PALM2AKAP2: variants seen among roughly 807,000 people sequenced by gnomAD.
The protein encoded by PALM2AKAP2 is PALM2-AKAP2 fusion protein.
A neutral mutation model predicts 71.5 loss-of-function variants in PALM2AKAP2; 37 were observed. That is an observed-to-expected ratio of 0.52 (90% CI 0.40 to 0.68). The LOEUF (loss-of-function observed/expected upper bound fraction) is 0.68. Among genes scored for constraint, PALM2AKAP2 ranks in the 30% least tolerant of loss-of-function variants. The pLI is 0.00. For missense variants in PALM2AKAP2, 1,224 were observed against 1,191.8 expected, an observed-to-expected ratio of 1.03 and a Z score of -0.40; for synonymous variants, 468 against 478.8, an observed-to-expected ratio of 0.98 and a Z score of 0.29.
intron 2 of PALM2AKAP2, among the ~76,000 whole-genome samples, chr9:109,875,277 C>A (rs1232083349): frequency 6.6e-6 from 1 of 152,202 alleles, no homozygotes; most frequent in African/African-American, 2.4e-5. Flanking sequence ...TCAGAGAGAC[C>A]TTTCCCACTT....
At chr9:109,833,287 G>A (rs1049291569) in intron 1 of PALM2AKAP2, among the ~76,000 whole-genome samples, 3 of 152,138 alleles carry the variant, frequency 2.0e-5, no homozygotes, top group East Asian at 3.9e-4. Context: ...CCTGGGAGGC[G>A]GAAGTTGCAG....
chr9:109,694,786 C>T (rs888193823), intron 1 of PALM2AKAP2, among the ~76,000 whole-genome samples: 6 of 151,956 alleles, frequency 3.9e-5, no homozygotes, highest in African/African-American at 1.2e-4. Context: ...TTTATAACTG[C>T]TGTAATTCAA....
intron 1 of PALM2AKAP2, among the ~76,000 whole-genome samples, chr9:109,761,799 G>C (rs1829057637): frequency 1.3e-5 from 2 of 152,134 alleles, no homozygotes; most frequent in Non-Finnish European, 2.9e-5. Flanking sequence ...TTGGTTCCAA[G>C]TCTTTGCTAT....
chr9:109,689,838 A>G (rs957461477), intron 1 of PALM2AKAP2, among the ~76,000 whole-genome samples: 2 of 152,154 alleles, frequency 1.3e-5, no homozygotes, highest in African/African-American at 2.4e-5. Flanking sequence ...GATCTGGCCA[A>G]CTTCCGAGAG....
At chr9:110,123,656 A>G (rs1276536812) in intron 1 of PALM2AKAP2, among the ~76,000 whole-genome samples, 1 of 152,212 alleles carries the variant, frequency 6.6e-6, no homozygotes, top group Non-Finnish European at 1.5e-5. Flanking sequence ...ACACCAGGTC[A>G]TTTGCAAACC....
At chr9:110,083,347 C>CA (rs1414505593) in intron 1 of PALM2AKAP2, among the ~76,000 whole-genome samples, 1 of 151,942 alleles carries the variant, frequency 6.6e-6, no homozygotes, top group Admixed American at 6.6e-5. Context: ...AGTCTATAAA[C>CA]ACAAGCATAA....
intron 2 of PALM2AKAP2, among the ~76,000 whole-genome samples, chr9:110,152,152 G>A (rs905140349): frequency 2.6e-5 from 4 of 152,158 alleles, no homozygotes; most frequent in East Asian, 1.9e-4. Context: ...CAGGAGAATC[G>A]CTTGAACCTG....
chr9:109,982,996 T>A lies in PALM2AKAP2; in HGVS notation c.497-32958T>A, dbSNP rs527447846. The stretch of plus-strand genomic sequence containing the variant: ...GTCTTTGAGCTACATGAAGATTAGA[T>A]CCCATTAGTCTTGGAGAGGGAGCAA... On this transcript the variant is annotated intron_variant, in intron 6 of 9. Coordinates refer to the PALM2AKAP2 transcript ENST00000302798. Among the ~76,000 whole-genome samples the A allele has an allele frequency of 1.1e-4, 17 of 152,206 alleles. No homozygotes were observed. The South Asian group carries it at 3.3e-3, about 30-fold the overall frequency.
Position 109,756,015 on chromosome 9 carries a change from C to T in PALM2AKAP2, c.6-24473C>T, listed in dbSNP as rs535457899. Reference sequence around the variant, plus strand: ...TGATGAGCTTCCTTATACATAAACCCTTGTTCCCATCTCTAGTTATGTTCA... The same window carrying T: ...TGATGAGCTTCCTTATACATAAACCTTTGTTCCCATCTCTAGTTATGTTCA... On this transcript the variant is annotated intron_variant, in intron 1 of 6. Transcript: ENST00000374531. 1.4e-4 allele frequency among the ~76,000 whole-genome samples: 21 copies of T among 152,246 alleles called. No individual in the cohort carries two copies. The East Asian group carries it at 3.7e-3, about 27-fold the overall frequency.
chr9:109,652,549 T>C (rs1392789243), intron 1 of PALM2AKAP2, among the ~76,000 whole-genome samples: 1 of 152,222 alleles, frequency 6.6e-6, no homozygotes, highest in Non-Finnish European at 1.5e-5. Context: ...TAGTCTCCAG[T>C]ATTTCTTTAT....
chr9:109,958,393 A>G (rs77106103), intron 6 of PALM2AKAP2, among the ~76,000 whole-genome samples: 7,540 of 152,260 alleles, frequency 0.05, 304 homozygotes, highest in Admixed American at 0.11. Flanking sequence ...TCTTGAGTGT[A>G]AAGGGACCCA....
At chr9:109,899,900 A>G (rs1330941528) in intron 3 of PALM2AKAP2, among the ~76,000 whole-genome samples, 1 of 152,220 alleles carries the variant, frequency 6.6e-6, no homozygotes, top group East Asian at 1.9e-4. Context: ...CTTAGAGCTT[A>G]CTGTGTCATA....
At chr9:109,866,895 A>T (rs1003359660) in intron 1 of PALM2AKAP2, 1 of 389,356 alleles carries the variant, frequency 2.6e-6, no homozygotes, top group Admixed American at 3.0e-5. Context: ...CAGCTGCCCC[A>T]CCCACATGAA....
At chr9:109,641,283 C>G (rs778934343) in intron 1 of PALM2AKAP2, among the ~76,000 whole-genome samples, 6 of 152,206 alleles carry the variant, frequency 3.9e-5, no homozygotes, top group South Asian at 2.1e-4. Flanking sequence ...GGATCGGAAG[C>G]AAACGCGGTT....
chr9:109,864,904 T>C (rs979792932), intron 1 of PALM2AKAP2, among the ~76,000 whole-genome samples: 7 of 152,122 alleles, frequency 4.6e-5, no homozygotes, highest in African/African-American at 1.7e-4. Flanking sequence ...CTAAACTTCA[T>C]GGCCCTCCAT....
chr9:109,655,365 G>T (rs1827287906), intron 1 of PALM2AKAP2, among the ~76,000 whole-genome samples: 1 of 150,872 alleles, frequency 6.6e-6, no homozygotes. Flanking sequence ...AAGGAACAGA[G>T]ATTTATATAG....
chr9:109,859,955 G>A (rs540089410), intron 1 of PALM2AKAP2, among the ~76,000 whole-genome samples: 1 of 152,332 alleles, frequency 6.6e-6, no homozygotes, highest in South Asian at 2.1e-4. Flanking sequence ...ATTTTTCAGT[G>A]GATGGACACT....
chr9:110,135,053 T>C (rs925857003), intron 1 of PALM2AKAP2, among the ~76,000 whole-genome samples: 2 of 148,470 alleles, frequency 1.3e-5, no homozygotes, highest in Non-Finnish European at 3.0e-5. Context: ...TGGTGGCTCA[T>C]GTCTGTAATC....
chr9:109,840,292 C>T (rs1828619828), intron 1 of PALM2AKAP2, among the ~76,000 whole-genome samples: 1 of 152,104 alleles, frequency 6.6e-6, no homozygotes, highest in African/African-American at 2.4e-5. Flanking sequence ...ATAAATGATG[C>T]TGGGAAAACT....
Sources: gnomAD v4.1 joint callset for allele counts (sites outside exome capture counted in the v4.1 genomes callset) on GRCh38, gnomAD v4.1.1 for gene constraint, MANE v1.5 for transcripts, NCBI Gene and HGNC (gene_info 2026-07-23, HGNC 2026-07-21) for gene names.